The following LUZP2 variants were observed in gnomAD, a reference collection of about 807,000 sequenced individuals.
LUZP2 encodes the protein leucine zipper protein 2.
Under a neutral mutation model 51.6 loss-of-function variants are expected in LUZP2, and 52 were observed. The observed-to-expected ratio is 1.01, with a 90% CI of 0.81 to 1.27. The LOEUF (loss-of-function observed/expected upper bound fraction) is 1.27. LUZP2 is among the 50% of genes most tolerant of loss of function. The pLI is 0.00. For synonymous variants in LUZP2, 154 were observed against 137.3 expected, an observed-to-expected ratio of 1.12 and a Z score of -0.85; for missense variants, 436 against 395.4, an observed-to-expected ratio of 1.10 and a Z score of -0.87.
At chr11:25,048,892 A>T (rs554441062) in intron 9 of LUZP2, among the ~76,000 whole-genome samples, 4 of 151,938 alleles carry the variant, frequency 2.6e-5, no homozygotes, top group Non-Finnish European at 4.4e-5. Context: ...TTTATATAGG[A>T]TCAGTTTTAG....
At chr11:24,853,612 C>G in intron 5 of LUZP2, among the ~76,000 whole-genome samples, 1 of 152,112 alleles carries the variant, frequency 6.6e-6, no homozygotes, top group Middle Eastern at 3.4e-3. Flanking sequence ...CCTTCTGAAG[C>G]CTACTTCTTT....
At chr11:24,658,469 A>G (rs1177653500) in intron 1 of LUZP2, among the ~76,000 whole-genome samples, 1 of 152,136 alleles carries the variant, frequency 6.6e-6, no homozygotes, top group Admixed American at 6.5e-5. Flanking sequence ...AACCATAAAA[A>G]CCCTAGAAGA....
intron 1 of LUZP2, among the ~76,000 whole-genome samples, chr11:24,607,819 T>C (rs1853980047): frequency 7.4e-6 from 1 of 135,642 alleles, no homozygotes; most frequent in African/African-American, 3.0e-5. Context: ...GGTACATCTA[T>C]CTCTATTTTA....
At chr11:25,011,405 C>G (rs1324269432) in intron 9 of LUZP2, among the ~76,000 whole-genome samples, 2 of 152,062 alleles carry the variant, frequency 1.3e-5, no homozygotes, top group Admixed American at 1.3e-4. Context: ...CATATTTCAT[C>G]ACTAGTCATG....
At chr11:24,765,289 A>C (rs1590477383) in intron 5 of LUZP2, among the ~76,000 whole-genome samples, 1 of 152,332 alleles carries the variant, frequency 6.6e-6, no homozygotes, top group Non-Finnish European at 1.5e-5. Flanking sequence ...AGAAAAAAAC[A>C]GGTAAATTGA....
intron 5 of LUZP2, among the ~76,000 whole-genome samples, chr11:24,790,963 T>C (rs1849389549): frequency 6.6e-6 from 1 of 152,230 alleles, no homozygotes; most frequent in Non-Finnish European, 1.5e-5. Flanking sequence ...TTGACCAATG[T>C]ATACTTTTCC....
At chr11:24,722,996 G>A (rs1858334555) in intron 1 of LUZP2, among the ~76,000 whole-genome samples, 1 of 151,716 alleles carries the variant, frequency 6.6e-6, no homozygotes, top group African/African-American at 2.4e-5. Context: ...ATCATAAAAG[G>A]GCTCATGTGT....
At chr11:24,934,089 TCA>T (rs767626352) in intron 7 of LUZP2, among the ~76,000 whole-genome samples, 5 of 152,168 alleles carry the variant, frequency 3.3e-5, no homozygotes, top group Non-Finnish European at 7.3e-5. Flanking sequence ...AGGTGTATTG[TCA>T]CAAAGTCAGC....
intron 9 of LUZP2, among the ~76,000 whole-genome samples, chr11:24,985,969 T>C (rs986072571): frequency 1.3e-5 from 2 of 151,698 alleles, no homozygotes; most frequent in East Asian, 3.9e-4. Flanking sequence ...AACATGAGTA[T>C]GGTTTTGTGT....
rs187670216 is a variant in LUZP2, at chr11:25,028,457, C to T, written c.766-21581C>T. On this transcript the variant is annotated intron_variant, in intron 9 of 11. Transcript: ENST00000336930. ...GTGTATATAATAATGAAGGATCATT[C>T]AGCCATAAAAAAGAATGAGATTTTT... 2.0e-3 allele frequency among the ~76,000 whole-genome samples: 304 copies of T among 152,124 alleles called. 3 individuals are homozygous for T. Among genetic ancestry groups the T allele is most frequent in the African/African-American group, 6.9e-3 (287 of 41,534 alleles).
chr11:24,855,193 C>T (rs957002157), intron 5 of LUZP2, among the ~76,000 whole-genome samples: 7 of 152,290 alleles, frequency 4.6e-5, no homozygotes, highest in Middle Eastern at 3.4e-3. Context: ...GTCAAATTAT[C>T]TCTGTTTGCT....
rs376323307 is a variant in LUZP2 at position 24,781,715 on chromosome 11, G to T, written c.396+18407G>T. 2.2e-4 allele frequency among the ~76,000 whole-genome samples: 34 copies of T among 151,922 alleles called. No individual in the cohort carries two copies. The East Asian group carries it at 6.4e-3, about 29-fold the overall frequency. On this transcript the variant is annotated intron_variant, in intron 5 of 11. Coordinates refer to ENST00000336930, the MANE Select transcript of LUZP2 (RefSeq NM_001009909.4). ...CGAGCTGCTATTTTATAGAAAGGAA[G>T]TTTTTTTTAATATACATTAGGAACC...
intron 5 of LUZP2, among the ~76,000 whole-genome samples, chr11:24,848,054 G>C (rs1805695387): frequency 6.6e-6 from 1 of 152,036 alleles, no homozygotes; most frequent in Non-Finnish European, 1.5e-5. Flanking sequence ...ATTTTAGTAG[G>C]AGAGAGTATC....
chr11:24,732,855 C>T (rs762492459), intron 3 of LUZP2, among the ~76,000 whole-genome samples: 1 of 151,650 alleles, frequency 6.6e-6, no homozygotes, highest in Admixed American at 6.6e-5. Flanking sequence ...TCACAACTAC[C>T]TTGTGAAGTG....
chr11:24,928,256 G>T (rs1854338323), intron 7 of LUZP2, among the ~76,000 whole-genome samples: 1 of 152,030 alleles, frequency 6.6e-6, no homozygotes. Flanking sequence ...GCCCTGGCTA[G>T]AACTTCCAGT....
chr11:24,793,722 T>C (rs1849469385), intron 5 of LUZP2, among the ~76,000 whole-genome samples: 1 of 152,162 alleles, frequency 6.6e-6, no homozygotes. Context: ...AATGTCTTTG[T>C]CTGTAAGAGA....
intron 5 of LUZP2, among the ~76,000 whole-genome samples, chr11:24,787,846 C>G (rs748146704): frequency 6.6e-6 from 1 of 152,112 alleles, no homozygotes; most frequent in Non-Finnish European, 1.5e-5. Flanking sequence ...CTATGCTAGT[C>G]TTGAATTTCT....
chr11:25,071,838 TA>T (rs1272822807), intron 10 of LUZP2, among the ~76,000 whole-genome samples: 2 of 18,662 alleles, frequency 1.1e-4, no homozygotes, highest in South Asian at 1.5e-3. Flanking sequence ...ATAAAAAATT[TA>T]AAAAAAGATA....
intron 7 of LUZP2, among the ~76,000 whole-genome samples, chr11:24,928,709 CTGGTTT>C (rs1196516856): frequency 6.6e-6 from 1 of 151,926 alleles, no homozygotes; most frequent in Non-Finnish European, 1.5e-5. Flanking sequence ...ATGTCCTTTT[CTGGTTT>C]TGGTATTACT....
Sources: gnomAD v4.1 joint callset for allele counts (sites outside exome capture counted in the v4.1 genomes callset) on GRCh38, gnomAD v4.1.1 for gene constraint, MANE v1.5 for transcripts, NCBI Gene and HGNC (gene_info 2026-07-23, HGNC 2026-07-21) for gene names.